The following UNC5D variants were observed in gnomAD, a reference collection of about 807,000 sequenced individuals.
UNC5D encodes the protein unc-5 netrin receptor D, also known as netrin receptor UNC5D.
A neutral mutation model predicts 105.4 loss-of-function variants in UNC5D; 39 were observed. That is an observed-to-expected ratio of 0.37 (90% CI 0.29 to 0.48). The LOEUF is 0.48. Ranked by LOEUF, UNC5D falls within the 20% of genes least tolerant of loss-of-function variation. UNC5D has a pLI of 0.98. For synonymous variants in UNC5D, 452 were observed against 450.4 expected (o/e 1.00, Z -0.04); for missense variants, 991 against 1,202.4 (o/e 0.82, Z 2.60).
intron 1 of UNC5D, among the ~76,000 whole-genome samples, chr8:35,483,069 C>G (rs1047321164): frequency 6.6e-6 from 1 of 151,930 alleles, no homozygotes; most frequent in Non-Finnish European, 1.5e-5. Flanking sequence ...TCCCAAAGTG[C>G]TGGGATTACA....
At chr8:35,774,605 G>T in intron 16 of UNC5D, 128 bp downstream of exon 16, 1 of 1,239,550 alleles carries the variant, frequency 8.1e-7, no homozygotes. Flanking sequence ...TATTTCCTGT[G>T]TGTTCCCACT....
At chr8:35,376,883 C>A (rs547498240) in intron 1 of UNC5D, among the ~76,000 whole-genome samples, 1 of 152,282 alleles carries the variant, frequency 6.6e-6, no homozygotes, top group Non-Finnish European at 1.5e-5. Flanking sequence ...ACTTACCATC[C>A]TCTAAGGACC....
chr8:35,490,785 G>T (rs571769689), intron 1 of UNC5D, among the ~76,000 whole-genome samples: 1 of 152,028 alleles, frequency 6.6e-6, no homozygotes, highest in Non-Finnish European at 1.5e-5. Context: ...GCTACTAGAG[G>T]GTTTTGAGCT....
At chr8:35,238,874 A>G (rs1450991629) in intron 1 of UNC5D, among the ~76,000 whole-genome samples, 1 of 152,222 alleles carries the variant, frequency 6.6e-6, no homozygotes, top group Non-Finnish European at 1.5e-5. Flanking sequence ...TGTCTAGCTC[A>G]TAAAGTTTAA....
chr8:35,332,031 A>C (rs1484786010), intron 1 of UNC5D, among the ~76,000 whole-genome samples: 1 of 152,180 alleles, frequency 6.6e-6, no homozygotes, highest in Non-Finnish European at 1.5e-5. Flanking sequence ...CCTTACATTG[A>C]ATCTTCACAT....
chr8:35,308,116 A>AGTG (rs1808578091), intron 1 of UNC5D, among the ~76,000 whole-genome samples: 1 of 105,650 alleles, frequency 9.5e-6, no homozygotes, highest in Non-Finnish European at 1.8e-5. Flanking sequence ...GTCACAATGT[A>AGTG]TGTGTGTGTG....
At chr8:35,263,723 A>G (rs1233282545) in intron 1 of UNC5D, among the ~76,000 whole-genome samples, 1 of 152,260 alleles carries the variant, frequency 6.6e-6, no homozygotes, top group Non-Finnish European at 1.5e-5. Context: ...TACAAACTGA[A>G]TAAATGACCT....
intron 16 of UNC5D, 66 bp downstream of exon 16, chr8:35,774,543 G>A: frequency 6.4e-7 from 1 of 1,566,788 alleles, no homozygotes; most frequent in Non-Finnish European, 8.7e-7. Context: ...AGTGGGCTAA[G>A]TGAAACCATG....
At chr8:35,267,853 G>A (rs970924965) in intron 1 of UNC5D, among the ~76,000 whole-genome samples, 2 of 152,044 alleles carry the variant, frequency 1.3e-5, no homozygotes, top group Non-Finnish European at 2.9e-5. Context: ...AAGGAAAATT[G>A]TTCCAGGTTT....
chr8:35,789,809 G>T (rs1017029677), intron 16 of UNC5D, among the ~76,000 whole-genome samples: 1 of 151,942 alleles, frequency 6.6e-6, no homozygotes. Flanking sequence ...GTAGAGAGGG[G>T]TCAAATATTT....
At chr8:35,403,043 G>T (rs1208017012) in intron 1 of UNC5D, among the ~76,000 whole-genome samples, 1 of 152,150 alleles carries the variant, frequency 6.6e-6, no homozygotes, top group Non-Finnish European at 1.5e-5. Flanking sequence ...CAGGTTCTGG[G>T]AGTCAGGGAA....
intron 4 of UNC5D, among the ~76,000 whole-genome samples, chr8:35,601,164 G>T (rs145622758): frequency 0.11 from 15,965 of 151,856 alleles, 905 homozygotes; most frequent in African/African-American, 0.14. Flanking sequence ...TCTATATCTC[G>T]GTTTTGGTAC....
At chr8:35,327,581 C>G (rs1258648756) in intron 1 of UNC5D, among the ~76,000 whole-genome samples, 1 of 152,212 alleles carries the variant, frequency 6.6e-6, no homozygotes, top group African/African-American at 2.4e-5. Flanking sequence ...CCTCTCTCTT[C>G]TGCATTTATT....
At chr8:35,248,169 A>ATT (rs1319477108) in intron 1 of UNC5D, among the ~76,000 whole-genome samples, 2 of 27,308 alleles carry the variant, frequency 7.3e-5, no homozygotes, top group Admixed American at 8.1e-4. Flanking sequence ...AATATATATT[A>ATT]TATAATATAT....
chr8:35,625,306 T>C (rs1045792722), intron 4 of UNC5D, among the ~76,000 whole-genome samples: 2 of 152,248 alleles, frequency 1.3e-5, no homozygotes, highest in African/African-American at 2.4e-5. Context: ...GGCACTTTAA[T>C]GGGTTCCCCC....
At chr8:35,598,218 T>A (rs769462549) in intron 4 of UNC5D, among the ~76,000 whole-genome samples, 1 of 152,210 alleles carries the variant, frequency 6.6e-6, no homozygotes, top group Admixed American at 6.5e-5. Flanking sequence ...CTACTAGGTA[T>A]ATACTTTCTT....
At chr8:35,276,148 C>G (rs987487698) in intron 1 of UNC5D, among the ~76,000 whole-genome samples, 4 of 152,148 alleles carry the variant, frequency 2.6e-5, no homozygotes, top group Non-Finnish European at 4.4e-5. Flanking sequence ...TTGAAATCCT[C>G]AGAATAAATT....
At chr8:35,481,706 G>A (rs1197198207) in intron 1 of UNC5D, among the ~76,000 whole-genome samples, 2 of 152,156 alleles carry the variant, frequency 1.3e-5, no homozygotes, top group African/African-American at 4.8e-5. Context: ...CTATCATCTT[G>A]TTAATTAATG....
intron 1 of UNC5D, among the ~76,000 whole-genome samples, chr8:35,331,395 A>G (rs1411168281): frequency 2.0e-5 from 3 of 152,124 alleles, no homozygotes; most frequent in Non-Finnish European, 2.9e-5. Context: ...TGCTCCCTGA[A>G]TATGGTGGAT....
Sources: allele counts gnomAD v4.1 joint callset (sites outside exome capture counted in the v4.1 genomes callset), GRCh38; gene constraint gnomAD v4.1.1; transcripts MANE v1.5; gene names NCBI Gene and HGNC (gene_info 2026-07-23, HGNC 2026-07-21).